Variants in MBNL3 observed in about 807,000 individuals in gnomAD.
MBNL3 encodes muscleblind-like protein 3.
A neutral mutation model predicts 24.5 loss-of-function variants in MBNL3; 6 were observed. The ratio of observed to expected loss-of-function variants is 0.25; its 90% CI spans 0.13 to 0.48. The LOEUF is 0.48. MBNL3 is among the 20% of genes least tolerant of loss of function. MBNL3 has a pLI of 0.99. For missense variants in MBNL3, 230 were observed against 293.5 expected, an observed-to-expected ratio of 0.78 and a Z score of 1.58; for synonymous variants, 100 against 101.7, an observed-to-expected ratio of 0.98 and a Z score of 0.10.
At chrX:132,473,588 T>C (rs1251627392) in intron 1 of MBNL3, among the ~76,000 whole-genome samples, 6 of 111,058 alleles carry the variant, frequency 5.4e-5, no homozygotes, top group African/African-American at 2.0e-4. Flanking sequence ...AGCTAAAAGC[T>C]GAAATTTAGA....
intron 1 of MBNL3, among the ~76,000 whole-genome samples, chrX:132,480,756 G>A (rs749657690): frequency 4.7e-4 from 52 of 111,328 alleles, no homozygotes; most frequent in Middle Eastern, 4.6e-3. Context: ...TCCTCTCTCC[G>A]TGGATTTGGA....
rs769266227 is a variant in MBNL3 at position 132,441,015 on chromosome X, T to C, written c.-703-701A>G. On this transcript the variant is annotated intron_variant, in intron 1 of 8. Transcript: ENST00000370853. Reference sequence around the variant, plus strand: ...TTTTACAAAATCTAAATCTTCTCTTTGTCTTTTCCATATTCAAGATGCAAT... The same window carrying C: ...TTTTACAAAATCTAAATCTTCTCTTCGTCTTTTCCATATTCAAGATGCAAT... Among the ~76,000 whole-genome samples, 149 of 112,633 alleles carry C rather than the reference T, an allele frequency of 1.3e-3. 1 individual carries two copies. Among genetic ancestry groups the C allele is most frequent in the Non-Finnish European group, 1.8e-3 (97 of 53,268 alleles).
At chrX:132,448,282 C>T (rs180892304) in intron 1 of MBNL3, among the ~76,000 whole-genome samples, 29 of 111,645 alleles carry the variant, frequency 2.6e-4, no homozygotes, top group African/African-American at 4.6e-4. Flanking sequence ...CTGGGCTTTT[C>T]GGGGTGGGCA....
At chrX:132,420,534 C>T (rs1943712936) in intron 2 of MBNL3, among the ~76,000 whole-genome samples, 2 of 111,875 alleles carry the variant, frequency 1.8e-5, no homozygotes. Context: ...ATCATTGTCC[C>T]TCCCTCTGTG....
At chrX:132,410,401 C>A in intron 2 of MBNL3, among the ~76,000 whole-genome samples, 1 of 111,217 alleles carries the variant, frequency 9.0e-6, no homozygotes, top group Admixed American at 9.5e-5. Flanking sequence ...TGGGAGGCTG[C>A]AAATTACCCT....
At chrX:132,446,299 G>A (rs770719858) in intron 1 of MBNL3, among the ~76,000 whole-genome samples, 3 of 111,745 alleles carry the variant, frequency 2.7e-5, no homozygotes, top group African/African-American at 6.5e-5. Flanking sequence ...ATAATACTTT[G>A]GGTATATACC....
chrX:132,386,524 G>C, intron 6 of MBNL3, 137 bp downstream of exon 6: 2 of 665,094 alleles, frequency 3.0e-6, no homozygotes, highest in Non-Finnish European at 4.3e-6. Flanking sequence ...TAGCAGATAA[G>C]CATAACTTCC....
chrX:132,409,005 C>G (rs779176767), intron 2 of MBNL3, among the ~76,000 whole-genome samples: 1 of 112,455 alleles, frequency 8.9e-6, no homozygotes, highest in Admixed American at 9.4e-5. Flanking sequence ...TCTGTATTCT[C>G]TATCCAAACA....
intron 3 of MBNL3, among the ~76,000 whole-genome samples, chrX:132,396,604 C>CTATATATATTCA (rs1235144014): frequency 4.6e-4 from 8 of 17,446 alleles, no homozygotes; most frequent in Non-Finnish European, 7.9e-4. Flanking sequence ...ATATATATTC[C>CTATATATATTCA]TATATATATT....
At chrX:132,460,414 C>T (rs1030864569) in intron 1 of MBNL3, among the ~76,000 whole-genome samples, 3 of 111,704 alleles carry the variant, frequency 2.7e-5, no homozygotes, top group Non-Finnish European at 5.6e-5. Context: ...CCTTGATCAT[C>T]ATTCTACTTC....
At chrX:132,460,103 C>G (rs182197404) in intron 1 of MBNL3, among the ~76,000 whole-genome samples, 1 of 111,270 alleles carries the variant, frequency 9.0e-6, no homozygotes, top group Non-Finnish European at 1.9e-5. Context: ...TATAGTAAAA[C>G]TTACCCAGAC....
intron 1 of MBNL3, among the ~76,000 whole-genome samples, chrX:132,471,301 A>G (rs1433533922): frequency 1.8e-5 from 2 of 112,809 alleles, no homozygotes; most frequent in Non-Finnish European, 3.7e-5. Context: ...TATTACATTA[A>G]AATAAAAAGA....
intron 2 of MBNL3, chrX:132,431,017 C>T (rs1474913228): frequency 8.9e-6 from 1 of 112,052 alleles, no homozygotes; most frequent in Non-Finnish European, 1.9e-5. Flanking sequence ...GATCCTCCCA[C>T]CTCGGCCTCC....
chrX:132,443,052 T>C (rs1015082101), intron 1 of MBNL3, among the ~76,000 whole-genome samples: 4 of 112,265 alleles, frequency 3.6e-5, no homozygotes, highest in African/African-American at 1.3e-4. Context: ...TAGACTTAAG[T>C]AATAGGAATA....
At chrX:132,435,364 G>A (rs866286545) in intron 2 of MBNL3, among the ~76,000 whole-genome samples, 4 of 111,639 alleles carry the variant, frequency 3.6e-5, no homozygotes, top group African/African-American at 1.3e-4. Flanking sequence ...TGTCTTTATA[G>A]TGTAGACAGA....
At chrX:132,405,709 CT>C (rs1412220173) in intron 3 of MBNL3, among the ~76,000 whole-genome samples, 1 of 109,388 alleles carries the variant, frequency 9.1e-6, no homozygotes, top group African/African-American at 3.3e-5. Flanking sequence ...TCCATGTCTA[CT>C]AAAAATACAC....
At chrX:132,463,806 C>T (rs996116658) in intron 1 of MBNL3, among the ~76,000 whole-genome samples, 15 of 112,283 alleles carry the variant, frequency 1.3e-4, no homozygotes, top group Non-Finnish European at 2.4e-4. Context: ...AATTGCATAG[C>T]AATTCCTATC....
At chrX:132,395,647 T>C (rs777183669) in intron 3 of MBNL3, among the ~76,000 whole-genome samples, 3 of 111,410 alleles carry the variant, frequency 2.7e-5, no homozygotes, top group Non-Finnish European at 5.7e-5. Context: ...GAAATTCCCA[T>C]GAGTTCCCAG....
chrX:132,401,651 A>AT (rs1940956566), intron 3 of MBNL3, among the ~76,000 whole-genome samples: 1 of 110,180 alleles, frequency 9.1e-6, no homozygotes, highest in Non-Finnish European at 1.9e-5. Flanking sequence ...ATATTTTCCA[A>AT]TTTTATCTCC....
Sources: gnomAD v4.1 joint callset for allele counts (sites outside exome capture counted in the v4.1 genomes callset) on GRCh38, gnomAD v4.1.1 for gene constraint, MANE v1.5 for transcripts, NCBI Gene and HGNC (gene_info 2026-07-23, HGNC 2026-07-21) for gene names.